The following BCKDHB variants were observed in gnomAD, a reference collection of about 807,000 sequenced individuals.
The protein encoded by BCKDHB is 2-oxoisovalerate dehydrogenase subunit beta, mitochondrial.
BCKDHB carries 41 observed loss-of-function variants against 48.5 expected under a neutral mutation model. That is an observed-to-expected ratio of 0.85 (90% CI 0.66 to 1.10). BCKDHB has a LOEUF of 1.10. Among genes scored for constraint, BCKDHB ranks in the 50% least tolerant of loss-of-function variants. BCKDHB has a pLI of 0.00. For missense variants in BCKDHB, 496 were observed against 494.2 expected (o/e 1.00, Z -0.03); for synonymous variants, 201 against 174.8 (o/e 1.15, Z -1.18).
At chr6:80,233,324 C>T (rs775826273) in intron 8 of BCKDHB, among the ~76,000 whole-genome samples, 8 of 152,288 alleles carry the variant, frequency 5.3e-5, no homozygotes, top group Admixed American at 2.6e-4. Context: ...GTCTCTAGGG[C>T]AGTAGCCTTT....
chr6:80,375,859 C>T, the BCKDHB span, among the ~76,000 whole-genome samples: 4 of 152,126 alleles, frequency 2.6e-5, no homozygotes, highest in African/African-American at 9.7e-5. Flanking sequence ...TGATGTGGTG[C>T]TCTCCTTCTT....
chr6:80,379,443 A>T, the BCKDHB span, among the ~76,000 whole-genome samples: 1 of 152,074 alleles, frequency 6.6e-6, no homozygotes, highest in South Asian at 2.1e-4. Context: ...AATGGAACAT[A>T]TCTCAAAATA....
chr6:80,404,502 T>C, the BCKDHB span, among the ~76,000 whole-genome samples: 1 of 151,920 alleles, frequency 6.6e-6, no homozygotes, highest in Non-Finnish European at 1.5e-5. Flanking sequence ...TTTGCTCACC[T>C]TTTCAAAAAA....
chr6:80,303,491 C>T (rs1562216368), intron 9 of BCKDHB, among the ~76,000 whole-genome samples: 1 of 151,974 alleles, frequency 6.6e-6, no homozygotes, highest in Admixed American at 6.6e-5. Context: ...GGGAACATGC[C>T]CACACCAACC....
At chr6:80,163,016 G>A (rs1331110119) in intron 3 of BCKDHB, among the ~76,000 whole-genome samples, 1 of 151,632 alleles carries the variant, frequency 6.6e-6, no homozygotes, top group African/African-American at 2.4e-5. Flanking sequence ...TTGACCTCCT[G>A]GGTTCAAATG....
At chr6:80,422,072 A>C in the BCKDHB span, among the ~76,000 whole-genome samples, 2 of 152,134 alleles carry the variant, frequency 1.3e-5, no homozygotes, top group Non-Finnish European at 2.9e-5. Flanking sequence ...CAGGTCTAGA[A>C]GTCTAGGAGG....
intron 8 of BCKDHB, among the ~76,000 whole-genome samples, chr6:80,213,658 GTTTTTTTTTGT>G (rs1394293403): frequency 3.0e-5 from 4 of 132,792 alleles, no homozygotes; most frequent in African/African-American, 1.3e-4. Flanking sequence ...CTTGGGAAGT[GTTTTTTTTTGT>G]TTTTTTTTTT....
At chr6:80,150,625 T>C (rs914645304) in intron 3 of BCKDHB, among the ~76,000 whole-genome samples, 1 of 150,636 alleles carries the variant, frequency 6.6e-6, no homozygotes, top group Non-Finnish European at 1.5e-5. Context: ...GGTGCGATCT[T>C]GGCTCACTAC....
At chr6:80,117,891 T>G (rs1159915170) in intron 1 of BCKDHB, among the ~76,000 whole-genome samples, 2 of 152,084 alleles carry the variant, frequency 1.3e-5, no homozygotes, top group African/African-American at 2.4e-5. Context: ...TCTATATTTC[T>G]GTGTGTGTGT....
At chr6:80,286,473 C>G (rs1396891227) in intron 9 of BCKDHB, among the ~76,000 whole-genome samples, 1 of 152,156 alleles carries the variant, frequency 6.6e-6, no homozygotes. Context: ...GCAGCATTAT[C>G]TTTAACATCA....
intron 9 of BCKDHB, among the ~76,000 whole-genome samples, chr6:80,297,251 C>T (rs145775216): frequency 6.6e-6 from 1 of 152,134 alleles, no homozygotes; most frequent in Admixed American, 6.5e-5. Context: ...TAATATCTGA[C>T]CTGCCTAATT....
chr6:80,454,476 C>T, the BCKDHB span, among the ~76,000 whole-genome samples: 2 of 151,534 alleles, frequency 1.3e-5, no homozygotes, highest in Admixed American at 1.3e-4. Context: ...GCATGACCCA[C>T]TACACTCTTG....
chr6:80,278,415 G>A (rs1180981926), intron 9 of BCKDHB, among the ~76,000 whole-genome samples: 2 of 152,142 alleles, frequency 1.3e-5, no homozygotes, highest in Admixed American at 6.5e-5. Flanking sequence ...TCACTCTGGG[G>A]ATATATTGTG....
At chr6:80,359,094 C>G in the BCKDHB span, among the ~76,000 whole-genome samples, 2 of 152,214 alleles carry the variant, frequency 1.3e-5, no homozygotes, top group Non-Finnish European at 2.9e-5. Flanking sequence ...TCACCAAGTT[C>G]TTCGTGGGTC....
At chr6:80,307,898 A>T in intron 9 of BCKDHB, 1 of 973,518 alleles carries the variant, frequency 1.0e-6, no homozygotes, top group Non-Finnish European at 1.2e-6. Flanking sequence ...AAAACATAAA[A>T]ATTATTCCCA....
chr6:80,456,056 A>G, the BCKDHB span, among the ~76,000 whole-genome samples: 1 of 151,988 alleles, frequency 6.6e-6, no homozygotes, highest in African/African-American at 2.4e-5. Flanking sequence ...CTCTACTAAA[A>G]ATACAAAAAT....
chr6:80,228,835 T>C (rs1775788625), intron 8 of BCKDHB, among the ~76,000 whole-genome samples: 1 of 152,150 alleles, frequency 6.6e-6, no homozygotes, highest in Admixed American at 6.6e-5. Flanking sequence ...AAGTTTGTTC[T>C]TCTCTCTGCT....
intron 9 of BCKDHB, among the ~76,000 whole-genome samples, chr6:80,308,736 A>G (rs1333089179): frequency 1.3e-5 from 2 of 151,728 alleles, no homozygotes; most frequent in South Asian, 2.1e-4. Context: ...CTGGGACTAC[A>G]GGCGCCCGCC....
At chr6:80,396,878 G>A in the BCKDHB span, among the ~76,000 whole-genome samples, 33 of 152,072 alleles carry the variant, frequency 2.2e-4, no homozygotes, top group Admixed American at 7.2e-4. Flanking sequence ...AAATCACCCC[G>A]TCTTGGGTAT....
Sources: gnomAD v4.1 joint callset for allele counts (sites outside exome capture counted in the v4.1 genomes callset) on GRCh38, gnomAD v4.1.1 for gene constraint, MANE v1.5 for transcripts, NCBI Gene and HGNC (gene_info 2026-07-23, HGNC 2026-07-21) for gene names.